The following EYS variants were observed in gnomAD, a reference collection of about 807,000 sequenced individuals.
The protein encoded by EYS is protein eyes shut homolog.
Under a neutral mutation model 282.1 loss-of-function variants are expected in EYS, and 250 were observed. The observed-to-expected ratio is 0.89, with a 90% CI of 0.80 to 0.98. The LOEUF (loss-of-function observed/expected upper bound fraction) is 0.98. Ranked by LOEUF, EYS falls within the 50% of genes least tolerant of loss-of-function variation. EYS has a pLI of 0.00. For synonymous variants in EYS, 1,355 were observed against 1,282.9 expected (o/e 1.06, Z -1.20); for missense variants, 4,016 against 3,709.0 (o/e 1.08, Z -2.15).
chr6:64,487,184 G>T (rs780732573), intron 26 of EYS, among the ~76,000 whole-genome samples: 33 of 151,168 alleles, frequency 2.2e-4, no homozygotes, highest in Admixed American at 6.0e-4. Context: ...GCTTTTTCAT[G>T]CTAAGCAGAC....
intron 22 of EYS, among the ~76,000 whole-genome samples, chr6:64,808,744 G>T (rs964184875): frequency 6.6e-6 from 1 of 151,876 alleles, no homozygotes; most frequent in African/African-American, 2.4e-5. Flanking sequence ...TCAAAATTTA[G>T]TTACTGCATC....
chr6:64,439,076 A>T, intron 27 of EYS, 86 bp downstream of exon 27: 3 of 726,258 alleles, frequency 4.1e-6, no homozygotes, highest in Non-Finnish European at 6.3e-6. Context: ...AGTTAAGTTT[A>T]AATTTTATTT....
intron 31 of EYS, among the ~76,000 whole-genome samples, chr6:64,113,955 A>G (rs547725106): frequency 4.5e-4 from 69 of 152,270 alleles, no homozygotes; most frequent in Non-Finnish European, 9.1e-4. Context: ...CATATTTTCT[A>G]TGGCTGCTTT....
intron 12 of EYS, among the ~76,000 whole-genome samples, chr6:65,184,561 C>A (rs138168978): frequency 0.028 from 4,162 of 150,668 alleles, 78 homozygotes; most frequent in Non-Finnish European, 0.044. Flanking sequence ...ATATATAAAT[C>A]CTGATTTTAA....
chr6:64,740,923 C>T (rs1171605529), intron 22 of EYS, among the ~76,000 whole-genome samples: 5 of 152,032 alleles, frequency 3.3e-5, no homozygotes, highest in Admixed American at 3.3e-4. Context: ...CCATGTTAGC[C>T]AGGATGGTCT....
intron 26 of EYS, among the ~76,000 whole-genome samples, chr6:64,477,269 A>T (rs1012803544): frequency 3.9e-5 from 6 of 152,154 alleles, no homozygotes; most frequent in Non-Finnish European, 7.3e-5. Context: ...GCTAATACCA[A>T]TACATATGTA....
rs1766474818 is a variant in EYS, at chr6:65,502,119, TAA to T, written c.-332-6128_-332-6127del. On this transcript the variant is annotated intron_variant, in intron 2 of 42. Coordinates refer to ENST00000503581, the MANE Select transcript of EYS (RefSeq NM_001142800.2). ...TTAAACATTGACCTGTCATTGAAAT[TAA>T]GATAGCTTAAGTATATAAAAGTCAA... Among the ~76,000 whole-genome samples, 5 of 151,850 alleles carry T rather than the reference TAA, an allele frequency of 3.3e-5. No homozygotes were observed. The South Asian group carries it at 1.0e-3, about 31-fold the overall frequency.
intron 13 of EYS, among the ~76,000 whole-genome samples, chr6:65,024,042 G>A (rs1772326033): frequency 6.6e-6 from 1 of 152,118 alleles, no homozygotes; most frequent in East Asian, 1.9e-4. Flanking sequence ...TAAAGCAAGA[G>A]CAAACCTCAG....
At chr6:64,443,871 T>C (rs769162326) in intron 26 of EYS, among the ~76,000 whole-genome samples, 2 of 152,204 alleles carry the variant, frequency 1.3e-5, no homozygotes, top group Non-Finnish European at 2.9e-5. Flanking sequence ...AGTTATGACC[T>C]CATCAGCAGC....
intron 2 of EYS, among the ~76,000 whole-genome samples, chr6:65,622,846 C>A (rs1009718104): frequency 1.3e-5 from 2 of 151,686 alleles, no homozygotes; most frequent in Non-Finnish European, 2.9e-5. Flanking sequence ...CAGCTTCAAC[C>A]TCTCGGGTCC....
chr6:64,091,622 C>A (rs532623846), intron 31 of EYS, among the ~76,000 whole-genome samples: 4 of 152,288 alleles, frequency 2.6e-5, no homozygotes, highest in East Asian at 3.9e-4. Context: ...TTGTTCCCAT[C>A]ATGGCTGGGT....
At chr6:65,205,540 A>G (rs1333219606) in intron 12 of EYS, among the ~76,000 whole-genome samples, 2 of 151,892 alleles carry the variant, frequency 1.3e-5, no homozygotes, top group African/African-American at 4.8e-5. Context: ...ACTATACTCT[A>G]AACTATGTGG....
intron 12 of EYS, among the ~76,000 whole-genome samples, chr6:65,176,305 A>G (rs1765223575): frequency 6.6e-6 from 1 of 151,608 alleles, no homozygotes; most frequent in African/African-American, 2.4e-5. Context: ...TGTTATGCAT[A>G]GCTAAATGTA....
chr6:64,611,201 C>T (rs1326277760), intron 24 of EYS, among the ~76,000 whole-genome samples: 2 of 151,956 alleles, frequency 1.3e-5, no homozygotes, highest in African/African-American at 4.8e-5. Context: ...AGAAGCAGAT[C>T]GAGCCTTATT....
rs113748026 is a variant in EYS at position 64,085,338 on chromosome 6, G to A, written c.6425-3336C>T. On this transcript the variant is annotated intron_variant, in intron 31 of 42. Coordinates refer to ENST00000503581, the MANE Select transcript of EYS (RefSeq NM_001142800.2). ...GACGCGCGCGCGTGCGCACGTGCGC[G>A]CGCACACACACACACACACACACAC... 2.9e-3 allele frequency among the ~76,000 whole-genome samples: 249 copies of A among 85,594 alleles called. 2 individuals are homozygous for A. In the East Asian group the frequency reaches 0.048, roughly 17 times the overall value. 56.2% of individuals were successfully genotyped at this position (85,594 alleles called of 152,430 possible).
intron 30 of EYS, among the ~76,000 whole-genome samples, chr6:64,255,603 G>A (rs1767367697): frequency 6.6e-6 from 1 of 151,978 alleles, no homozygotes; most frequent in African/African-American, 2.4e-5. Context: ...CTAGAGAGGT[G>A]TTATTGCTGT....
chr6:63,963,291 T>C (rs1353422261), intron 35 of EYS, among the ~76,000 whole-genome samples: 1 of 151,850 alleles, frequency 6.6e-6, no homozygotes, highest in African/African-American at 2.4e-5. Context: ...GAAATGCTAA[T>C]TTGAAAAAGC....
At chr6:65,126,493 A>T (rs181085612) in intron 12 of EYS, among the ~76,000 whole-genome samples, 1 of 152,258 alleles carries the variant, frequency 6.6e-6, no homozygotes, top group Non-Finnish European at 1.5e-5. Context: ...TGTTGCATGT[A>T]GTTTTTAAGT....
chr6:64,247,658 G>A (rs1035059377), intron 30 of EYS, among the ~76,000 whole-genome samples: 4 of 152,096 alleles, frequency 2.6e-5, no homozygotes, highest in Non-Finnish European at 5.9e-5. Context: ...AAAGGCAATT[G>A]TAATATTGCA....
Sources: allele counts gnomAD v4.1 joint callset (sites outside exome capture counted in the v4.1 genomes callset), GRCh38; gene constraint gnomAD v4.1.1; transcripts MANE v1.5; gene names NCBI Gene and HGNC (gene_info 2026-07-23, HGNC 2026-07-21).